Variants in RBM25 observed in about 807,000 individuals in gnomAD.
RBM25 encodes the protein RNA binding motif protein 25.
RBM25 carries 19 observed loss-of-function variants against 120.7 expected under a neutral mutation model. That is an observed-to-expected ratio of 0.16 (90% CI 0.11 to 0.23). The LOEUF (loss-of-function observed/expected upper bound fraction) is 0.23, where lower values mean the gene tolerates loss of function less well. Among genes scored for constraint, RBM25 ranks in the 10% least tolerant of loss-of-function variants. The probability of loss-of-function intolerance (pLI) is 1.00; values close to 1 mark genes in which losing one functional copy is unlikely to be tolerated. For missense variants in RBM25, 605 were observed against 1,041.5 expected, an observed-to-expected ratio of 0.58 and a Z score of 5.77; for synonymous variants, 390 against 326.7, an observed-to-expected ratio of 1.19 and a Z score of -2.09.
chr14:73,080,709 C>G (rs766971476), intron 4 of RBM25, among the ~76,000 whole-genome samples: 1 of 152,074 alleles, frequency 6.6e-6, no homozygotes, highest in Non-Finnish European at 1.5e-5. Context: ...TACTTCCTTA[C>G]AGGTGTTACA....
intron 7 of RBM25, 96 bp downstream of exon 7, chr14:73,097,196 CTTTTTT>C: frequency 2.1e-4 from 29 of 137,498 alleles, no homozygotes; most frequent in Non-Finnish European, 2.6e-4. Context: ...TTTTTCTTTT[CTTTTTT>C]TTTTTTTTTT....
chr14:73,071,841 G>C (rs2140427607), intron 2 of RBM25, 94 bp downstream of exon 2: 2 of 971,188 alleles, frequency 2.1e-6, no homozygotes, highest in East Asian at 5.2e-5. Flanking sequence ...GACTGTGTTA[G>C]TGAAGATGCC....
rs1258059016 is a variant in RBM25, at chr14:73,121,566, CA to C, written c.*1762del. On this transcript the variant is annotated 3_prime_UTR_variant, in exon 19 of 19. Coordinates refer to ENST00000261973, the MANE Select transcript of RBM25 (RefSeq NM_021239.3). ...AAATTTCAGAAAAGATGCCCCTTGCCATTTTCGTTAATTTTTCAGTCTTTTC... is the reference window on the plus strand; with the variant it reads ...AAATTTCAGAAAAGATGCCCCTTGCCTTTTCGTTAATTTTTCAGTCTTTTC... 4 of 152,154 alleles carry C rather than the reference CA, an allele frequency of 2.6e-5. No individual in the cohort carries two copies. Among genetic ancestry groups the C allele is most frequent in the African/African-American group, 9.7e-5 (4 of 41,444 alleles). The allele number at this position is 152,154 out of a possible 1,614,324, so 9.4% of individuals were successfully genotyped here.
At chr14:73,065,972 CT>C (rs1895123234) in intron 1 of RBM25, among the ~76,000 whole-genome samples, 2 of 152,120 alleles carry the variant, frequency 1.3e-5, no homozygotes, top group South Asian at 4.1e-4. Flanking sequence ...TGGGCCATTG[CT>C]AGAATATAGT....
chr14:73,070,172 C>T (rs1415908067), intron 1 of RBM25, among the ~76,000 whole-genome samples: 1 of 151,408 alleles, frequency 6.6e-6, no homozygotes, highest in African/African-American at 2.4e-5. Flanking sequence ...CTCAGCCTCC[C>T]GAGTAGCTGG....
At chr14:73,077,308 T>C in intron 3 of RBM25, 61 bp from the exon 4 acceptor site, 1 of 1,414,960 alleles carries the variant, frequency 7.1e-7, no homozygotes, top group Non-Finnish European at 9.8e-7. Flanking sequence ...TTTAGCCTAA[T>C]GTTAATTGTG....
chr14:73,111,368 A>T, intron 15 of RBM25, 160 bp from the exon 16 acceptor site: 1 of 936,480 alleles, frequency 1.1e-6, no homozygotes, highest in Non-Finnish European at 1.6e-6. Flanking sequence ...TGAAAAGTTT[A>T]ATTTTCTAGC....
At chr14:73,083,273 A>G (rs754328581) in intron 4 of RBM25, among the ~76,000 whole-genome samples, 27 of 152,226 alleles carry the variant, frequency 1.8e-4, no homozygotes, top group Non-Finnish European at 2.6e-4. Context: ...ATGTTCTGCA[A>G]ATGAAGAATC....
intron 7 of RBM25, 101 bp downstream of exon 7, chr14:73,097,201 T>TC: frequency 1.0e-5 from 2 of 190,984 alleles, no homozygotes; most frequent in East Asian, 2.4e-4. Context: ...CTTTTCTTTT[T>TC]TTTTTTTTTT....
intron 10 of RBM25, among the ~76,000 whole-genome samples, chr14:73,105,179 G>T (rs1218111876): frequency 1.4e-5 from 2 of 141,242 alleles, no homozygotes; most frequent in Non-Finnish European, 3.0e-5. Flanking sequence ...ACAGTCATAG[G>T]TCACTGTAAG....
rs1485145415 is a variant in RBM25 at position 73,086,271 on chromosome 14, C to G, written c.383-1730C>G. On this transcript the variant is annotated intron_variant, in intron 5 of 18. Transcript: ENST00000261973. ...TGGCCAACATGGTGAAACCCTGTCTCTACTAAAAATACAGAAATTAGCTGA... is the reference window on the plus strand; with the variant it reads ...TGGCCAACATGGTGAAACCCTGTCTGTACTAAAAATACAGAAATTAGCTGA... Among the ~76,000 whole-genome samples the G allele has an allele frequency of 2.6e-5, 4 of 151,956 alleles. No homozygotes were observed. The East Asian group carries it at 5.8e-4, about 22-fold the overall frequency.
rs1260212457 is a variant in RBM25 at position 73,076,378 on chromosome 14, A to T, written c.156+10A>T. 2.5e-6 allele frequency: 4 copies of T among 1,604,452 alleles called. No individual in the cohort carries two copies. Reference sequence around the variant, plus strand: ...GGCTCCTGCTCCAACTGTAAGTATAACTTAAAGGAGGAATCATGAGTTATG... The same window carrying T: ...GGCTCCTGCTCCAACTGTAAGTATATCTTAAAGGAGGAATCATGAGTTATG... On this transcript the variant is annotated intron_variant, in intron 3 of 18. Coordinates refer to ENST00000261973, the MANE Select transcript of RBM25 (RefSeq NM_021239.3).
intron 4 of RBM25, among the ~76,000 whole-genome samples, chr14:73,080,390 A>AT (rs1566586894): frequency 6.6e-6 from 1 of 151,276 alleles, no homozygotes; most frequent in South Asian, 2.1e-4. Flanking sequence ...TGCCCGGCTA[A>AT]TTTTTTGTAT....
chr14:73,087,614 C>G (rs1895718443), intron 5 of RBM25, among the ~76,000 whole-genome samples: 1 of 152,120 alleles, frequency 6.6e-6, no homozygotes, highest in African/African-American at 2.4e-5. Flanking sequence ...CCAGAATGGT[C>G]TCGATCTCCT....
chr14:73,097,190 T>TATTTTTTTTTA, intron 7 of RBM25, 90 bp downstream of exon 7: 1 of 611,678 alleles, frequency 1.6e-6, no homozygotes, highest in African/African-American at 4.5e-5. Context: ...TTTTCTTTTT[T>TATTTTTTTTTA]CTTTTCTTTT....
At chr14:73,111,320 C>T (rs1896306397) in intron 15 of RBM25, 165 bp downstream of exon 15, 1 of 816,964 alleles carries the variant, frequency 1.2e-6, no homozygotes, top group Non-Finnish European at 1.9e-6. Context: ...TTTACTAGTG[C>T]TCCTATATCT....
intron 6 of RBM25, 160 bp downstream of exon 6, chr14:73,088,321 G>A (rs1490639983): frequency 1.1e-6 from 1 of 944,914 alleles, no homozygotes; most frequent in South Asian, 1.4e-5. Flanking sequence ...GTTATTTTAA[G>A]TCTTATCTGC....
At chr14:73,086,445 A>AC (rs1895687717) in intron 5 of RBM25, among the ~76,000 whole-genome samples, 1 of 151,982 alleles carries the variant, frequency 6.6e-6, no homozygotes, top group African/African-American at 2.4e-5. Flanking sequence ...TAAAAAAAAA[A>AC]AAAAACAAAA....
intron 6 of RBM25, among the ~76,000 whole-genome samples, chr14:73,090,832 T>C (rs1487883534): frequency 6.6e-6 from 1 of 152,222 alleles, no homozygotes; most frequent in Non-Finnish European, 1.5e-5. Flanking sequence ...GAATTAACAT[T>C]TGTTAATAGA....
Sources: allele counts gnomAD v4.1 joint callset (sites outside exome capture counted in the v4.1 genomes callset), GRCh38; gene constraint gnomAD v4.1.1; transcripts MANE v1.5; gene names NCBI Gene and HGNC (gene_info 2026-07-23, HGNC 2026-07-21).